The following MECOM variants were observed in gnomAD, a reference collection of about 807,000 sequenced individuals.
The protein encoded by MECOM is MDS1 and EVI1 complex locus.
In MECOM, 13 loss-of-function variants were observed where a neutral mutation model predicts 116.3. That is an observed-to-expected ratio of 0.11 (90% confidence interval 0.07 to 0.18). MECOM has a LOEUF of 0.18. Ranked by LOEUF, MECOM falls within the 10% of genes least tolerant of loss-of-function variation. The pLI is 1.00. For missense variants in MECOM, 1,299 were observed against 1,509.0 expected (o/e 0.86, Z 2.31); for synonymous variants, 528 against 535.2 (o/e 0.99, Z 0.19).
At chr3:169,292,093 AT>A (rs967153303) in intron 2 of MECOM, among the ~76,000 whole-genome samples, 14 of 152,088 alleles carry the variant, frequency 9.2e-5, no homozygotes, top group Non-Finnish European at 5.9e-5. Context: ...TAATCCCAGC[AT>A]TTTTTTGGGA....
chr3:169,368,273 G>C (rs1164931539), intron 2 of MECOM, among the ~76,000 whole-genome samples: 1 of 151,940 alleles, frequency 6.6e-6, no homozygotes, highest in Non-Finnish European at 1.5e-5. Flanking sequence ...AGTGAGCATA[G>C]TATTTATCTA....
At chr3:169,298,140 G>A (rs576656822) in intron 2 of MECOM, among the ~76,000 whole-genome samples, 3 of 152,108 alleles carry the variant, frequency 2.0e-5, no homozygotes, top group African/African-American at 7.2e-5. Flanking sequence ...TTTCCTTCTT[G>A]GAAAAATCTC....
intron 2 of MECOM, among the ~76,000 whole-genome samples, chr3:169,349,199 A>G (rs1725881762): frequency 6.6e-6 from 1 of 151,748 alleles, no homozygotes. Context: ...GTAATTGATC[A>G]CATTTGTTTC....
At chr3:169,366,875 G>A (rs1729250242) in intron 2 of MECOM, among the ~76,000 whole-genome samples, 1 of 151,978 alleles carries the variant, frequency 6.6e-6, no homozygotes, top group African/African-American at 2.4e-5. Flanking sequence ...TCTGTGACAT[G>A]AACTGACTGG....
At chr3:169,241,654 T>C (rs1754827543) in intron 2 of MECOM, among the ~76,000 whole-genome samples, 1 of 152,222 alleles carries the variant, frequency 6.6e-6, no homozygotes, top group Non-Finnish European at 1.5e-5. Flanking sequence ...GATCACTTAT[T>C]TGAAATTTCT....
At chr3:169,571,090 C>T (rs1763837124) in intron 1 of MECOM, among the ~76,000 whole-genome samples, 1 of 152,160 alleles carries the variant, frequency 6.6e-6, no homozygotes. Context: ...ATTTAGAAAA[C>T]CCCTTCATCT....
At position 169,108,800 on chromosome 3, in the gene MECOM, T is replaced by C. The variant is rs927403734; in HGVS notation, c.2578-848A>G. 2.6e-5 allele frequency among the ~76,000 whole-genome samples: 4 copies of C among 152,162 alleles called. No individual in the cohort carries two copies. The South Asian group carries it at 6.2e-4, about 24-fold the overall frequency. On this transcript the variant is annotated intron_variant, in intron 9 of 16. Coordinates refer to ENST00000651503, the MANE Select transcript of MECOM (RefSeq NM_004991.4). ...ATTTTTCACATCAATGTGTAAATTA[T>C]AACTTAGGAAAAGACTGTCTCCTCA...
chr3:169,378,456 AGCAAGCAAGCAAGC>A (rs1731581405), intron 2 of MECOM, among the ~76,000 whole-genome samples: 1 of 51,660 alleles, frequency 1.9e-5, no homozygotes, highest in African/African-American at 1.6e-4. Context: ...AAAGAAGGAA[AGCAAGCAAGCAAGC>A]AAGCAAGAAA....
In MECOM at chr3:169,238,851, G is replaced by A. The variant is rs188680865; in HGVS notation, c.376-95019C>T. Among the ~76,000 whole-genome samples the A allele has an allele frequency of 9.9e-5, 15 of 152,142 alleles. No individual in the cohort carries two copies. The East Asian group carries it at 2.5e-3, about 25-fold the overall frequency. ...AATATATACATCCACTATTTAGTCA[G>A]TTAACAAAAGATTATAAACTAACTT... On this transcript the variant is annotated intron_variant, in intron 2 of 16. Coordinates refer to ENST00000651503, the MANE Select transcript of MECOM (RefSeq NM_004991.4).
At chr3:169,238,501 A>C (rs1382597145) in intron 2 of MECOM, among the ~76,000 whole-genome samples, 1 of 152,212 alleles carries the variant, frequency 6.6e-6, no homozygotes, top group Non-Finnish European at 1.5e-5. Flanking sequence ...TAAAATTTAC[A>C]AGCCCTTCAG....
At chr3:169,509,334 C>T (rs941109310) in intron 1 of MECOM, among the ~76,000 whole-genome samples, 10 of 152,158 alleles carry the variant, frequency 6.6e-5, no homozygotes, top group African/African-American at 1.4e-4. Context: ...ATTTTTTGAT[C>T]GTGGTAAAAC....
At chr3:169,636,599 C>T (rs1239006292) in intron 1 of MECOM, among the ~76,000 whole-genome samples, 5 of 152,152 alleles carry the variant, frequency 3.3e-5, no homozygotes, top group Non-Finnish European at 5.9e-5. Flanking sequence ...CAAGTAGGAG[C>T]GTACACCTCC....
At chr3:169,309,326 T>C (rs1718312970) in intron 2 of MECOM, among the ~76,000 whole-genome samples, 1 of 152,208 alleles carries the variant, frequency 6.6e-6, no homozygotes, top group Non-Finnish European at 1.5e-5. Flanking sequence ...CAAATGTATA[T>C]TTGCATATTT....
intron 6 of MECOM, among the ~76,000 whole-genome samples, chr3:169,121,824 G>T (rs1731124323): frequency 6.6e-6 from 1 of 151,826 alleles, no homozygotes; most frequent in African/African-American, 2.4e-5. Context: ...ATTTTAATGT[G>T]CATAGAACAA....
At chr3:169,110,948 A>G (rs1727167809) in intron 9 of MECOM, among the ~76,000 whole-genome samples, 1 of 152,126 alleles carries the variant, frequency 6.6e-6, no homozygotes, top group African/African-American at 2.4e-5. Flanking sequence ...GTGATCCTTA[A>G]TTAACTTTGG....
At chr3:169,326,457 A>G (rs1002067094) in intron 2 of MECOM, among the ~76,000 whole-genome samples, 5 of 152,228 alleles carry the variant, frequency 3.3e-5, no homozygotes, top group Admixed American at 1.3e-4. Flanking sequence ...TAGGTATTTC[A>G]TTTCAAAAAG....
At chr3:169,363,140 A>T (rs1728584101) in intron 2 of MECOM, among the ~76,000 whole-genome samples, 1 of 151,922 alleles carries the variant, frequency 6.6e-6, no homozygotes, top group South Asian at 2.1e-4. Flanking sequence ...GAAAGACTCT[A>T]TTAGCCATTT....
intron 1 of MECOM, among the ~76,000 whole-genome samples, chr3:169,623,194 A>C (rs1367550648): frequency 6.6e-6 from 1 of 152,168 alleles, no homozygotes; most frequent in African/African-American, 2.4e-5. Context: ...TCTACATTGA[A>C]CCTACGTAAT....
rs147777271 is a variant in MECOM, at chr3:169,425,689, C to A, written c.38-44165G>T. Among the ~76,000 whole-genome samples, 123 of 152,266 alleles carry A rather than the reference C, an allele frequency of 8.1e-4. 3 individuals carry two copies. The East Asian group carries it at 0.022, about 27-fold the overall frequency. ...GCGATAGAGCATATTTAAAAGCCCA[C>A]ATTCTTAGCCACTTTATTTTGCTGT... On this transcript the variant is annotated intron_variant, in intron 1 of 16. Transcript: ENST00000651503.
Sources: allele counts gnomAD v4.1 joint callset (sites outside exome capture counted in the v4.1 genomes callset), GRCh38; gene constraint gnomAD v4.1.1; transcripts MANE v1.5; gene names NCBI Gene and HGNC (gene_info 2026-07-23, HGNC 2026-07-21).